Variants in TSN observed in about 807,000 individuals in gnomAD.
The protein encoded by TSN is translin, also known as component 3 of promoter of RISC.
In TSN, 5 loss-of-function variants were observed where a neutral mutation model predicts 29.4. The ratio of observed to expected loss-of-function variants is 0.17; its 90% CI spans 0.09 to 0.36. The LOEUF (loss-of-function observed/expected upper bound fraction) is 0.36, where lower values mean the gene tolerates loss of function less well. TSN is among the 10% of genes least tolerant of loss of function. The probability of loss-of-function intolerance (pLI) is 1.00; values close to 1 mark genes in which losing one functional copy is unlikely to be tolerated. For synonymous variants in TSN, 106 were observed against 102.2 expected, an observed-to-expected ratio of 1.04 and a Z score of -0.23; for missense variants, 159 against 272.8, an observed-to-expected ratio of 0.58 and a Z score of 2.94.
At position 121,758,839 on chromosome 2, in the gene TSN, T is replaced by C. The variant is rs369878516; in HGVS notation, c.257+33T>C. ...AGAAAAATAGCATTATTTTATAATG[T>C]TAAGTAAAAAAAAGGAGAAAAATTA... is the stretch of plus-strand genomic sequence containing the variant. On this transcript the variant is annotated intron_variant, in intron 3 of 5. Coordinates refer to ENST00000389682, the MANE Select transcript of TSN (RefSeq NM_004622.3). 3.7e-4 allele frequency: 533 copies of C among 1,421,352 alleles called. 1 individual carries two copies. The highest frequency in any genetic ancestry group is 4.6e-4 in the Non-Finnish European group (492 of 1,059,808). The allele number at this position is 1,421,352 out of a possible 1,614,324, so 88.0% of individuals were successfully genotyped here. A position where few individuals can be genotyped will look rare whatever the true frequency, so the allele number is the denominator to read the frequency against.
intron 3 of TSN, among the ~76,000 whole-genome samples, chr2:121,759,805 G>A (rs1005691467): frequency 8.5e-5 from 13 of 152,204 alleles, no homozygotes; most frequent in African/African-American, 3.1e-4. Context: ...ATAACCTTAT[G>A]AGAATATTCT....
In TSN at chr2:121,762,875, A is replaced by G. The variant is rs187110337; in HGVS notation, c.374-130A>G. On this transcript the variant is annotated intron_variant, in intron 4 of 5. Coordinates refer to ENST00000389682, the MANE Select transcript of TSN (RefSeq NM_004622.3). Reference sequence around the variant, plus strand: ...AGGTCTAGTTGCCAAGGTTGTGAATATATTAAAAAGCCAGTTTTTAAAAGA... The same window carrying G: ...AGGTCTAGTTGCCAAGGTTGTGAATGTATTAAAAAGCCAGTTTTTAAAAGA... 535 of 802,114 alleles carry G rather than the reference A, an allele frequency of 6.7e-4. 1 individual carries two copies. The highest frequency in any genetic ancestry group is 8.7e-4 in the Non-Finnish European group (467 of 538,728). The allele number at this position is 802,114 out of a possible 1,614,324, so 49.7% of individuals were successfully genotyped here. A position where few individuals can be genotyped will look rare whatever the true frequency, so the allele number is the denominator to read the frequency against.
chr2:121,765,496 G>A lies in TSN; in HGVS notation c.*129G>A. 1.2e-6 allele frequency: 1 copy of A among 834,984 alleles called. No homozygotes were observed. Among genetic ancestry groups the A allele is most frequent in the Non-Finnish European group, 1.9e-6 (1 of 536,566 alleles). 51.7% of individuals were successfully genotyped at this position (834,984 alleles called of 1,614,324 possible). ...GCGCTTTATTTTCTTAACCAGTTGT[G>A]GTGTGAGTATCAGAATTGAAACACT... On this transcript the variant is annotated 3_prime_UTR_variant, in exon 6 of 6. Transcript: ENST00000389682.
intron 5 of TSN, among the ~76,000 whole-genome samples, chr2:121,764,291 G>A (rs1230172815): frequency 6.6e-6 from 1 of 152,166 alleles, no homozygotes; most frequent in Non-Finnish European, 1.5e-5. Flanking sequence ...TATTAGTTAA[G>A]TGTAAGGTGT....
In TSN at chr2:121,765,053, C is replaced by T. The variant is rs547768293; in HGVS notation, c.454-81C>T. The T allele has an allele frequency of 2.9e-6, 4 of 1,363,822 alleles. No individual in the cohort carries two copies. In the East Asian group the frequency reaches 9.2e-5, roughly 31 times the overall value. 84.5% of individuals were successfully genotyped at this position (1,363,822 alleles called of 1,614,324 possible). On this transcript the variant is annotated intron_variant, in intron 5 of 5. Transcript: ENST00000389682. ...AGCGTGGCTGTCTAGGCTTGCGGTT[C>T]TTCTGGTTGTGATTCAGAGGAAGAT...
chr2:121,765,408 G>T lies in TSN; in HGVS notation c.*41G>T. The T allele has an allele frequency of 6.3e-7, 1 of 1,597,104 alleles. No individual in the cohort carries two copies. The highest frequency in any genetic ancestry group is 8.6e-7 in the Non-Finnish European group (1 of 1,165,554). ...CCTGGCCTTGCTGACCTCAGCGGTTGCCAGGAAGGGGTGAGCACAGAGTGC... is the reference window on the plus strand; with the variant it reads ...CCTGGCCTTGCTGACCTCAGCGGTTTCCAGGAAGGGGTGAGCACAGAGTGC... On this transcript the variant is annotated 3_prime_UTR_variant, in exon 6 of 6. Transcript: ENST00000389682.
chr2:121,758,907 T>A, intron 3 of TSN, 101 bp downstream of exon 3: 2 of 713,582 alleles, frequency 2.8e-6, no homozygotes, highest in Non-Finnish European at 4.1e-6. Context: ...ACATCCTGTG[T>A]AGAAGTAACA....
At chr2:121,760,436 T>C (rs1397751245) in intron 3 of TSN, among the ~76,000 whole-genome samples, 2 of 152,194 alleles carry the variant, frequency 1.3e-5, no homozygotes, top group Non-Finnish European at 2.9e-5. Context: ...GTGGGGTCTT[T>C]AGAGACCATC....
intron 5 of TSN, among the ~76,000 whole-genome samples, chr2:121,764,741 G>A (rs1323151362): frequency 6.6e-6 from 1 of 152,164 alleles, no homozygotes; most frequent in African/African-American, 2.4e-5. Flanking sequence ...TTGCAGCTTA[G>A]TAGGTGGGCT....
chr2:121,761,094 T>G (rs1184332410), intron 3 of TSN, among the ~76,000 whole-genome samples: 1 of 152,134 alleles, frequency 6.6e-6, no homozygotes, highest in African/African-American at 2.4e-5. Flanking sequence ...GGTCTTGAAC[T>G]CCTTACCTCA....
In TSN at chr2:121,767,726, A is replaced by C. The variant is rs2074923139; in HGVS notation, c.*2359A>C. ...TTAAGGGAGTTTAATAGAGAAGGAA[A>C]GCTTTGGCAGTGTTTTGAGAACTTA... On this transcript the variant is annotated 3_prime_UTR_variant, in exon 6 of 6. Transcript: ENST00000389682. The C allele has an allele frequency of 6.6e-6, 1 of 152,128 alleles. No homozygotes were observed. Among genetic ancestry groups the C allele is most frequent in the South Asian group, 2.1e-4 (1 of 4,830 alleles). 9.4% of individuals were successfully genotyped at this position (152,128 alleles called of 1,614,324 possible).
chr2:121,755,993 C>T, intron 1 of TSN, 148 bp downstream of exon 1: 1 of 1,461,368 alleles, frequency 6.8e-7, no homozygotes, highest in East Asian at 2.5e-5. Context: ...AGGCACTCCC[C>T]GCCCCCGCCC....
chr2:121,756,143 G>A (rs987712104), intron 1 of TSN: 3 of 483,602 alleles, frequency 6.2e-6, no homozygotes, highest in Non-Finnish European at 7.4e-6. Context: ...TTCAGCGAAT[G>A]AGCGTTTCGT....
At chr2:121,763,290 C>T (rs950733547) in intron 5 of TSN, among the ~76,000 whole-genome samples, 5 of 151,944 alleles carry the variant, frequency 3.3e-5, no homozygotes, top group African/African-American at 9.7e-5. Flanking sequence ...CTACAGGCGC[C>T]CGCCACCACA....
intron 1 of TSN, 29 bp from the exon 2 acceptor site, chr2:121,757,211 A>G: frequency 2.5e-6 from 4 of 1,593,200 alleles, no homozygotes; most frequent in Non-Finnish European, 3.4e-6. Context: ...TCTGTTGAGT[A>G]TCTGATTTTT....
At chr2:121,762,862 C>T in intron 4 of TSN, 143 bp from the exon 5 acceptor site, 1 of 654,370 alleles carries the variant, frequency 1.5e-6, no homozygotes, top group East Asian at 3.2e-5. Context: ...GTCTAGTTGC[C>T]AAGGTTGTGA....
Position 121,766,023 on chromosome 2 carries a change from T to C in TSN, c.*656T>C, listed in dbSNP as rs1190205719. ...GGGATTTAGTAACATCATTTTGTTT[T>C]CCACCAGGCAGGGAGTAGGGCTTAG... On this transcript the variant is annotated 3_prime_UTR_variant, in exon 6 of 6. Transcript: ENST00000389682. The C allele has an allele frequency of 6.6e-6, 1 of 152,362 alleles. No individual in the cohort carries two copies. The allele number at this position is 152,362 out of a possible 1,614,324, so 9.4% of individuals were successfully genotyped here.
intron 3 of TSN, among the ~76,000 whole-genome samples, chr2:121,761,180 A>C (rs1030214974): frequency 1.3e-5 from 2 of 152,094 alleles, no homozygotes; most frequent in Admixed American, 6.6e-5. Flanking sequence ...GTAAATTTTC[A>C]TACTCATCAA....
At position 121,765,667 on chromosome 2, in the gene TSN, A is replaced by C; in HGVS notation, c.*300A>C. 1 of 399,514 alleles carries C rather than the reference A, an allele frequency of 2.5e-6. No homozygotes were observed. The highest frequency in any genetic ancestry group is 2.7e-5 in the South Asian group (1 of 37,308). 24.7% of individuals were successfully genotyped at this position (399,514 alleles called of 1,614,324 possible). A position where few individuals can be genotyped will look rare whatever the true frequency, so the allele number is the denominator to read the frequency against. On this transcript the variant is annotated 3_prime_UTR_variant, in exon 6 of 6. Transcript: ENST00000389682. ...TAAAGTCCTTTTCTTGCTTACCTTG[A>C]CTGTTGATGTACTGATTGAGAAGTT... is the stretch of plus-strand genomic sequence containing the variant.
Sources: gnomAD v4.1 joint callset for allele counts (sites outside exome capture counted in the v4.1 genomes callset) on GRCh38, gnomAD v4.1.1 for gene constraint, MANE v1.5 for transcripts, NCBI Gene and HGNC (gene_info 2026-07-23, HGNC 2026-07-21) for gene names.